Variants in ZNF704 observed in about 807,000 individuals in gnomAD.
The protein encoded by ZNF704 is zinc finger protein 704.
In ZNF704, 10 loss-of-function variants were observed where a neutral mutation model predicts 44.7. That is an observed-to-expected ratio of 0.22 (90% CI 0.14 to 0.38). The LOEUF (loss-of-function observed/expected upper bound fraction) is 0.38. Ranked by LOEUF, ZNF704 falls within the 10% of genes least tolerant of loss-of-function variation. ZNF704 has a pLI of 1.00. For missense variants in ZNF704, 390 were observed against 545.5 expected (o/e 0.71, Z 2.84); for synonymous variants, 211 against 207.6 (o/e 1.02, Z -0.14).
intron 3 of ZNF704, among the ~76,000 whole-genome samples, chr8:80,688,634 G>C (rs180888607): frequency 3.4e-4 from 52 of 152,298 alleles, no homozygotes; most frequent in Non-Finnish European, 5.7e-4. Context: ...GCTGGGATAG[G>C]ATAAGAATTT....
chr8:80,773,333 A>G (rs1048691154), intron 2 of ZNF704, among the ~76,000 whole-genome samples: 22 of 152,306 alleles, frequency 1.4e-4, no homozygotes, highest in African/African-American at 5.1e-4. Flanking sequence ...TTATATGTAC[A>G]TAACTTGTCA....
chr8:80,803,260 C>G (rs1202094120), intron 2 of ZNF704, among the ~76,000 whole-genome samples: 1 of 152,166 alleles, frequency 6.6e-6, no homozygotes, highest in African/African-American at 2.4e-5. Context: ...GGTCATACTG[C>G]CCAGAGTAAT....
At chr8:80,830,022 A>G (rs916618324) in intron 1 of ZNF704, among the ~76,000 whole-genome samples, 1 of 152,240 alleles carries the variant, frequency 6.6e-6, no homozygotes, top group Non-Finnish European at 1.5e-5. Flanking sequence ...GTATATATGT[A>G]TCACATGTTC....
intron 5 of ZNF704, among the ~76,000 whole-genome samples, chr8:80,666,149 A>G (rs1235049036): frequency 2.4e-5 from 3 of 125,048 alleles, no homozygotes; most frequent in South Asian, 2.6e-4. Flanking sequence ...AGAGTGTGAT[A>G]TTCCCCTTCC....
At chr8:80,822,551 G>A (rs944772745) in intron 1 of ZNF704, among the ~76,000 whole-genome samples, 1 of 152,056 alleles carries the variant, frequency 6.6e-6, no homozygotes, top group African/African-American at 2.4e-5. Context: ...TAATCCTTTG[G>A]GTATATACCC....
intron 6 of ZNF704, among the ~76,000 whole-genome samples, chr8:80,663,358 C>A (rs558894113): frequency 5.5e-5 from 8 of 145,460 alleles, no homozygotes; most frequent in South Asian, 4.2e-4. Context: ...AAGATAGAGA[C>A]CCTGTCTCAA....
chr8:80,701,202 C>T (rs1042438592), intron 2 of ZNF704, among the ~76,000 whole-genome samples: 1 of 152,026 alleles, frequency 6.6e-6, no homozygotes, highest in South Asian at 2.1e-4. Flanking sequence ...TGGGAAACAG[C>T]GAATGACTCT....
chr8:80,785,409 G>A (rs1009683933), intron 2 of ZNF704, among the ~76,000 whole-genome samples: 14 of 152,122 alleles, frequency 9.2e-5, no homozygotes, highest in African/African-American at 3.1e-4. Flanking sequence ...GTCATTATGA[G>A]CAGCCTATAC....
intron 2 of ZNF704, among the ~76,000 whole-genome samples, chr8:80,793,271 C>T (rs536689480): frequency 3.3e-4 from 50 of 151,988 alleles, no homozygotes; most frequent in Non-Finnish European, 6.5e-4. Flanking sequence ...AGAAAAAGTG[C>T]GTGTGGAGAA....
At chr8:80,647,316 A>G (rs563192475) in intron 7 of ZNF704, among the ~76,000 whole-genome samples, 1 of 152,302 alleles carries the variant, frequency 6.6e-6, no homozygotes, top group East Asian at 1.9e-4. Flanking sequence ...TTTCACCTAC[A>G]AGGCACTGCA....
In ZNF704 at chr8:80,630,895, AC is replaced by A. The variant is rs1383946730; in HGVS notation, c.*10470del. 6.6e-6 allele frequency: 1 copy of A among 152,154 alleles called. No individual in the cohort carries two copies. Among genetic ancestry groups the A allele is most frequent in the Non-Finnish European group, 1.5e-5 (1 of 68,020 alleles). 9.4% of individuals were successfully genotyped at this position (152,154 alleles called of 1,614,324 possible). A position where few individuals can be genotyped will look rare whatever the true frequency, so the allele number is the denominator to read the frequency against. ...GATTCAGGGATTTTTTTTAAAAAAA[AC>A]ATGTATGATCCACATTCCTGGGTTA... is the stretch of plus-strand genomic sequence containing the variant. On this transcript the variant is annotated 3_prime_UTR_variant, in exon 9 of 9. Coordinates refer to ENST00000327835, the MANE Select transcript of ZNF704 (RefSeq NM_001033723.3).
intron 2 of ZNF704, among the ~76,000 whole-genome samples, chr8:80,778,529 T>C: frequency 6.6e-6 from 1 of 152,114 alleles, no homozygotes; most frequent in East Asian, 1.9e-4. Context: ...GGAATAGAAA[T>C]CATTCTACCA....
chr8:80,643,151 A>G, intron 7 of ZNF704, 22 bp from the exon 8 acceptor site: 1 of 1,576,198 alleles, frequency 6.3e-7, no homozygotes, highest in East Asian at 2.3e-5. Flanking sequence ...ATGGAAAAGA[A>G]AGTTGATGGG....
At chr8:80,873,068 G>T (rs1230630931) in intron 1 of ZNF704, among the ~76,000 whole-genome samples, 1 of 152,196 alleles carries the variant, frequency 6.6e-6, no homozygotes, top group African/African-American at 2.4e-5. Context: ...GGAAGAAGGG[G>T]CTGAGAGATT....
intron 2 of ZNF704, among the ~76,000 whole-genome samples, chr8:80,768,256 G>GT (rs1048568763): frequency 1.3e-4 from 19 of 151,066 alleles, no homozygotes; most frequent in South Asian, 2.1e-4. Flanking sequence ...AACTAATTAG[G>GT]TTTTTTTTTC....
intron 2 of ZNF704, among the ~76,000 whole-genome samples, chr8:80,781,418 A>G (rs1253776977): frequency 6.6e-6 from 1 of 152,270 alleles, no homozygotes; most frequent in Non-Finnish European, 1.5e-5. Flanking sequence ...ATTTATGCAT[A>G]CTGAAATTTG....
Position 80,775,486 on chromosome 8 carries a change from G to C in ZNF704, c.221+45888C>G, listed in dbSNP as rs112676708. ...GCCTAAAGGTAAAATAAATGATAAA[G>C]AAATTTTCAGCAAGTTATTTTTCAG... is the stretch of plus-strand genomic sequence containing the variant. On this transcript the variant is annotated intron_variant, in intron 2 of 8. Coordinates refer to ENST00000327835, the MANE Select transcript of ZNF704 (RefSeq NM_001033723.3). Among the ~76,000 whole-genome samples the C allele has an allele frequency of 3.3e-3, 507 of 152,248 alleles. 2 individuals are homozygous for C. The highest frequency in any genetic ancestry group is 0.012 in the African/African-American group (483 of 41,568).
Position 80,632,611 on chromosome 8 carries a change from A to G in ZNF704, c.*8755T>C, listed in dbSNP as rs1381197666. ...TTCATGATATAAATAAATCAAGGGG[A>G]TCTTCTCTTTAGAAGTTGGTAGTTA... On this transcript the variant is annotated 3_prime_UTR_variant, in exon 9 of 9. Transcript: ENST00000327835. 3.9e-5 allele frequency: 6 copies of G among 152,236 alleles called. No homozygotes were observed. The highest frequency in any genetic ancestry group is 7.3e-5 in the Non-Finnish European group (5 of 68,044). 9.4% of individuals were successfully genotyped at this position (152,236 alleles called of 1,614,324 possible).
At chr8:80,839,253 A>C (rs962261674) in intron 1 of ZNF704, among the ~76,000 whole-genome samples, 2 of 152,244 alleles carry the variant, frequency 1.3e-5, no homozygotes, top group Admixed American at 1.3e-4. Flanking sequence ...GTCTAACACA[A>C]CATCTTTAAA....
Sources: allele counts gnomAD v4.1 joint callset (sites outside exome capture counted in the v4.1 genomes callset), GRCh38; gene constraint gnomAD v4.1.1; transcripts MANE v1.5; gene names NCBI Gene and HGNC (gene_info 2026-07-23, HGNC 2026-07-21).